The following DSTN variants were observed in gnomAD, a reference collection of about 807,000 sequenced individuals.
The protein encoded by DSTN is destrin.
DSTN carries 10 observed loss-of-function variants against 16.8 expected under a neutral mutation model. That is an observed-to-expected ratio of 0.60 (90% CI 0.37 to 1.01). The LOEUF is 1.01. Ranked by LOEUF, DSTN falls within the 50% of genes least tolerant of loss-of-function variation. DSTN has a pLI of 0.01. For missense variants in DSTN, 141 were observed against 196.7 expected (o/e 0.72, Z 1.69); for synonymous variants, 57 against 58.9 (o/e 0.97, Z 0.14).
intron 2 of DSTN, among the ~76,000 whole-genome samples, chr20:17,604,237 G>A (rs980494083): frequency 6.6e-6 from 1 of 152,144 alleles, no homozygotes; most frequent in African/African-American, 2.4e-5. Flanking sequence ...AAAGAATTGG[G>A]TTATACAGTG....
chr20:17,595,902 G>A (rs1317491995), intron 1 of DSTN, among the ~76,000 whole-genome samples: 3 of 152,004 alleles, frequency 2.0e-5, no homozygotes, highest in East Asian at 1.9e-4. Context: ...CCAATCATAA[G>A]ACAACTTGCA....
chr20:17,583,735 C>CTGTTTTTTTT (rs2035372477), intron 1 of DSTN, among the ~76,000 whole-genome samples: 3 of 72,484 alleles, frequency 4.1e-5, no homozygotes, highest in Non-Finnish European at 4.7e-5. Flanking sequence ...TTTGGAGTTT[C>CTGTTTTTTTT]TTTTTTTTTT....
At chr20:17,583,457 G>A (rs1296465519) in intron 1 of DSTN, among the ~76,000 whole-genome samples, 1 of 152,146 alleles carries the variant, frequency 6.6e-6, no homozygotes, top group African/African-American at 2.4e-5. Context: ...TCAGTTGATG[G>A]ATAGATGGAT....
intron 1 of DSTN, among the ~76,000 whole-genome samples, chr20:17,579,476 G>A (rs968693783): frequency 3.3e-5 from 5 of 152,048 alleles, no homozygotes; most frequent in Non-Finnish European, 5.9e-5. Context: ...CCAGCTACTT[G>A]GGAGGCTGAG....
intron 1 of DSTN, among the ~76,000 whole-genome samples, chr20:17,597,671 C>T (rs2035541303): frequency 6.6e-6 from 1 of 152,082 alleles, no homozygotes; most frequent in South Asian, 2.1e-4. Flanking sequence ...TTCCTAAGTG[C>T]GAACACATGG....
At chr20:17,587,265 C>T (rs1016297741) in intron 1 of DSTN, among the ~76,000 whole-genome samples, 4 of 150,536 alleles carry the variant, frequency 2.7e-5, no homozygotes, top group Admixed American at 2.6e-4. Flanking sequence ...TGCTTAAAGT[C>T]AAGTCCTTAT....
At chr20:17,605,597 T>C (rs1449756078) in intron 3 of DSTN, among the ~76,000 whole-genome samples, 1 of 152,246 alleles carries the variant, frequency 6.6e-6, no homozygotes, top group East Asian at 1.9e-4. Flanking sequence ...CTGCATAGTT[T>C]ATTGCTGGGT....
intron 1 of DSTN, among the ~76,000 whole-genome samples, chr20:17,570,427 C>A (rs1246976628): frequency 6.6e-6 from 1 of 152,236 alleles, no homozygotes; most frequent in African/African-American, 2.4e-5. Flanking sequence ...GGATCCGCGG[C>A]TGTTGCGCAG....
chr20:17,607,004 A>G (rs753183416), intron 3 of DSTN, 33 bp from the exon 4 acceptor site: 10 of 1,606,976 alleles, frequency 6.2e-6, no homozygotes, highest in South Asian at 2.2e-5. Context: ...TGCTGCCATA[A>G]TTGTAAATAG....
chr20:17,594,809 AGATAATG>A (rs1312087559), intron 1 of DSTN, among the ~76,000 whole-genome samples: 14 of 152,212 alleles, frequency 9.2e-5, no homozygotes, highest in African/African-American at 3.1e-4. Context: ...CCAAAGAGTA[AGATAATG>A]GAGGAGTTGC....
In DSTN at chr20:17,607,150, A is replaced by G. The variant is rs1245493033; in HGVS notation, c.*4A>G. ...CTTTGAAGGATGCCCTGTGTAGATT[A>G]TTCAGTGCCACAAATTGAAAGCTTC... On this transcript the variant is annotated 3_prime_UTR_variant, in exon 4 of 4. Coordinates refer to ENST00000246069, the MANE Select transcript of DSTN (RefSeq NM_006870.4). The G allele has an allele frequency of 6.2e-7, 1 of 1,607,382 alleles. No individual in the cohort carries two copies. Among genetic ancestry groups the G allele is most frequent in the Non-Finnish European group, 8.5e-7 (1 of 1,177,986 alleles).
chr20:17,573,696 T>G (rs892276982), intron 1 of DSTN, among the ~76,000 whole-genome samples: 1 of 152,202 alleles, frequency 6.6e-6, no homozygotes, highest in Non-Finnish European at 1.5e-5. Flanking sequence ...CTTGAAACCT[T>G]TGCCAGTCTG....
In DSTN at chr20:17,583,735, C is replaced by CTTTTTTTTTTTTTTTTT. The variant is rs71192397; in HGVS notation, c.3+13531_3+13547dup. ...ATGACTGCTAATGGGTTTGGAGTTT[C>CTTTTTTTTTTTTTTTTT]TTTTTTTTTTTTTTTTTTTTTTTGA... On this transcript the variant is annotated intron_variant, in intron 1 of 3. Transcript: ENST00000246069. 9.9e-4 allele frequency among the ~76,000 whole-genome samples: 72 copies of CTTTTTTTTTTTTTTTTT among 72,492 alleles called. 19 individuals carry two copies. Among genetic ancestry groups the CTTTTTTTTTTTTTTTTT allele is most frequent in the South Asian group, 7.1e-3 (11 of 1,544 alleles). 47.6% of individuals were successfully genotyped at this position (72,492 alleles called of 152,430 possible).
In DSTN at chr20:17,604,547, C is replaced by G. The variant is rs766329550; in HGVS notation, c.312-8C>G. 2 of 1,604,350 alleles carry G rather than the reference C, an allele frequency of 1.2e-6. No homozygotes were observed. The highest frequency in any genetic ancestry group is 1.3e-5 in the African/African-American group (1 of 74,378). On this transcript the variant is annotated splice_polypyrimidine_tract_variant and splice_region_variant and intron_variant, in intron 2 of 3. Coordinates refer to ENST00000246069, the MANE Select transcript of DSTN (RefSeq NM_006870.4). The stretch of plus-strand genomic sequence containing the variant: ...CACTTTTTTCATTTTTGGCATCTTT[C>G]TATCTAGGGCACCAGAACTAGCACC...
At chr20:17,597,527 G>C (rs148428793) in intron 1 of DSTN, among the ~76,000 whole-genome samples, 3 of 152,274 alleles carry the variant, frequency 2.0e-5, no homozygotes, top group African/African-American at 7.2e-5. Context: ...ATGGATGGTA[G>C]CAGTGAAGCC....
intron 1 of DSTN, among the ~76,000 whole-genome samples, chr20:17,589,677 A>G (rs1357768145): frequency 2.6e-5 from 4 of 152,204 alleles, no homozygotes; most frequent in East Asian, 1.9e-4. Context: ...TTCTGTTTCT[A>G]TTGGCCCTTG....
At chr20:17,572,619 C>T (rs930133822) in intron 1 of DSTN, among the ~76,000 whole-genome samples, 20 of 152,096 alleles carry the variant, frequency 1.3e-4, no homozygotes, top group Admixed American at 4.6e-4. Context: ...AACTAATTGG[C>T]GCAGTATTCA....
In DSTN at chr20:17,600,781, A is replaced by G. The variant is rs149992120; in HGVS notation, c.47A>G (p.Tyr16Cys). 1.2e-6 allele frequency: 2 copies of G among 1,613,024 alleles called. No homozygotes were observed. Among genetic ancestry groups the G allele is most frequent in the Non-Finnish European group, 1.7e-6 (2 of 1,179,348 alleles). ...QVADEVCRIF[Y>C]DMKVRKCSTP... ...GCTGATGAAGTATGTCGCATTTTTT[A>G]TGACATGAAAGTTCGTAAATGCTCC... is the stretch of plus-strand genomic sequence containing the variant. The change falls in exon 2 of 4, where the codon TAT becomes TGT. Residue 16 changes from tyrosine (Y) to cysteine (C), a missense_variant. By Grantham distance (194) the Tyr-to-Cys change is radical (BLOSUM62 -2). Transcript: ENST00000246069.
chr20:17,601,186 T>C (rs1402238536), intron 2 of DSTN, 141 bp downstream of exon 2: 2 of 1,079,428 alleles, frequency 1.9e-6, no homozygotes, highest in Non-Finnish European at 2.5e-6. Context: ...TTTCATAATG[T>C]TACCAGGGCT....
Sources: allele counts gnomAD v4.1 joint callset (sites outside exome capture counted in the v4.1 genomes callset), GRCh38; gene constraint gnomAD v4.1.1; transcripts MANE v1.5; gene names NCBI Gene and HGNC (gene_info 2026-07-23, HGNC 2026-07-21).